AKAP10: variants seen among roughly 807,000 people sequenced by gnomAD.
AKAP10 encodes A-kinase anchoring protein 10, also known as A-kinase anchor protein 10, mitochondrial.
In AKAP10, 24 loss-of-function variants were observed where a neutral mutation model predicts 80.8. That is an observed-to-expected ratio of 0.30 (90% CI 0.22 to 0.42). The LOEUF is 0.42. Among genes scored for constraint, AKAP10 ranks in the 10% least tolerant of loss-of-function variants. The probability of loss-of-function intolerance (pLI) is 1.00; values close to 1 mark genes in which losing one functional copy is unlikely to be tolerated. For synonymous variants in AKAP10, 291 were observed against 277.7 expected (o/e 1.05, Z -0.48); for missense variants, 661 against 794.9 (o/e 0.83, Z 2.03).
intron 4 of AKAP10, among the ~76,000 whole-genome samples, chr17:19,949,281 A>G (rs1235372540): frequency 6.6e-6 from 1 of 152,134 alleles, no homozygotes; most frequent in African/African-American, 2.4e-5. Flanking sequence ...CAAAGACTCA[A>G]TAACAGAATG....
chr17:19,941,111 G>T, intron 6 of AKAP10, 101 bp from the exon 7 acceptor site: 1 of 1,285,802 alleles, frequency 7.8e-7, no homozygotes, highest in African/African-American at 1.5e-5. Context: ...TATCTTAAAG[G>T]CCTAGGTCAA....
chr17:19,956,243 G>T (rs560726389), intron 4 of AKAP10, among the ~76,000 whole-genome samples: 1 of 152,242 alleles, frequency 6.6e-6, no homozygotes, highest in Non-Finnish European at 1.5e-5. Context: ...GGCCCCAGGT[G>T]CATGGCAAAA....
rs1287851256 is a variant in AKAP10 at position 19,977,663 on chromosome 17, G to A, written c.17C>T (p.Pro6Leu). The change falls in exon 1 of 15, where the codon CCC (proline) becomes CTC (leucine). Residue 6 changes from proline (P) to leucine (L), a missense_variant. Physicochemically the swap from Pro to Leu is moderately conservative, Grantham distance 98. Transcript: ENST00000225737. MRGAG[P>L]SPRQSPRTLR... ...GGTGCGGGGGGACTGGCGCGGGGAG[G>A]GCCCGGCTCCCCTCATTCAGCAACC... The A allele has an allele frequency of 8.9e-6, 11 of 1,235,056 alleles. No individual in the cohort carries two copies. The highest frequency in any genetic ancestry group is 1.0e-5 in the Non-Finnish European group (10 of 987,492). 76.5% of individuals were successfully genotyped at this position (1,235,056 alleles called of 1,614,324 possible).
chr17:19,968,416 T>A lies in AKAP10; in HGVS notation c.134A>T (p.Lys45Ile), dbSNP rs759871873. 1 of 1,613,466 alleles carries A rather than the reference T, an allele frequency of 6.2e-7. No homozygotes were observed. Among genetic ancestry groups the A allele is most frequent in the East Asian group, 2.2e-5 (1 of 44,852 alleles). Reference protein sequence around the residue: ...QEKTSDVKSIKASISVHSPQK... With the variant: ...QEKTSDVKSIIASISVHSPQK... ...GGACTGCCAAGGGCAGAACTTACCT[T>A]TAATGGACTTCACATCTGAGGTCTT... Residue 45 changes from lysine to isoleucine, a missense_variant and splice_region_variant, in exon 2 of 15, where the codon AAA becomes ATA. Transcript: ENST00000225737.
chr17:19,956,274 G>A lies in AKAP10; in HGVS notation c.877+1740C>T, dbSNP rs76214534. Among the ~76,000 whole-genome samples the A allele has an allele frequency of 2.6e-3, 402 of 152,240 alleles. 14 individuals carry two copies. In the East Asian group the frequency reaches 0.074, roughly 28 times the overall value. On this transcript the variant is annotated intron_variant, in intron 4 of 14. Transcript: ENST00000225737. The stretch of plus-strand genomic sequence containing the variant: ...CAAAAGAAAATGCAAAACACCTGAA[G>A]TAACTTAATTTATACAGAGTACACA...
At chr17:19,922,415 T>A (rs2042827690) in intron 11 of AKAP10, among the ~76,000 whole-genome samples, 1 of 152,038 alleles carries the variant, frequency 6.6e-6, no homozygotes, top group South Asian at 2.1e-4. Context: ...ATTAAAACCA[T>A]CTTTATTTAT....
chr17:19,936,153 C>G, intron 9 of AKAP10, 133 bp downstream of exon 9: 1 of 1,051,616 alleles, frequency 9.5e-7, no homozygotes, highest in Non-Finnish European at 1.3e-6. Context: ...GACTCAAGGC[C>G]TCTGCTCTTA....
chr17:19,925,337 GTAAATAGGA>G (rs1416875514), intron 10 of AKAP10, among the ~76,000 whole-genome samples: 1 of 152,060 alleles, frequency 6.6e-6, no homozygotes, highest in African/African-American at 2.4e-5. Flanking sequence ...TGTTTACAGG[GTAAATAGGA>G]ATGTTTTTGA....
chr17:19,911,117 G>C (rs2042685231), intron 12 of AKAP10, among the ~76,000 whole-genome samples: 1 of 152,042 alleles, frequency 6.6e-6, no homozygotes. Context: ...TTACCTAAGG[G>C]TTTAAATATT....
chr17:19,936,023 C>A, intron 9 of AKAP10: 3 of 291,210 alleles, frequency 1.0e-5, no homozygotes, highest in Non-Finnish European at 1.9e-5. Context: ...TTTATTTTTT[C>A]TAACTTTTGT....
At chr17:19,941,258 C>CT (rs1378751028) in intron 6 of AKAP10, among the ~76,000 whole-genome samples, 1 of 152,160 alleles carries the variant, frequency 6.6e-6, no homozygotes, top group Non-Finnish European at 1.5e-5. Flanking sequence ...ACAACATGCC[C>CT]TATGTCTTTT....
At chr17:19,952,832 A>C (rs1378804935) in intron 4 of AKAP10, among the ~76,000 whole-genome samples, 2 of 152,160 alleles carry the variant, frequency 1.3e-5, no homozygotes, top group Non-Finnish European at 2.9e-5. Context: ...TTGTAGTTGG[A>C]AAGTTCAACA....
chr17:19,933,454 C>G (rs1188053736), intron 9 of AKAP10, among the ~76,000 whole-genome samples: 3 of 152,098 alleles, frequency 2.0e-5, no homozygotes, highest in African/African-American at 7.2e-5. Context: ...TTTTTTCCTA[C>G]CTAACTACCA....
At chr17:19,910,080 C>T in intron 12 of AKAP10, 102 bp from the exon 13 acceptor site, 1 of 1,175,448 alleles carries the variant, frequency 8.5e-7, no homozygotes, top group Non-Finnish European at 1.2e-6. Flanking sequence ...GTAATTCCAG[C>T]ACTTTGGGAG....
intron 5 of AKAP10, among the ~76,000 whole-genome samples, chr17:19,943,257 A>G (rs2043068535): frequency 6.6e-6 from 1 of 152,160 alleles, no homozygotes. Context: ...AAGGCTAATG[A>G]GATGACTTGT....
chr17:19,970,832 A>AATAAATAAAT, intron 1 of AKAP10, among the ~76,000 whole-genome samples: 1 of 151,508 alleles, frequency 6.6e-6, no homozygotes, highest in Middle Eastern at 3.4e-3. Flanking sequence ...TAAAAAAAAA[A>AATAAATAAAT]AAATAAATAA....
chr17:19,937,229 C>T (rs2043001983), intron 8 of AKAP10, among the ~76,000 whole-genome samples: 1 of 152,196 alleles, frequency 6.6e-6, no homozygotes, highest in African/African-American at 2.4e-5. Context: ...AGGCTGGGCA[C>T]AGTGGCTCAC....
In AKAP10 at chr17:19,956,476, A is replaced by G. The variant is rs547300380; in HGVS notation, c.877+1538T>C. ...ACATTTAATAAAACTAAATAAATAA[A>G]AGATGGGATCAAAAGTGGGAATGAA... On this transcript the variant is annotated intron_variant, in intron 4 of 14. Transcript: ENST00000225737. 2.0e-3 allele frequency among the ~76,000 whole-genome samples: 306 copies of G among 152,364 alleles called. 1 individual carries two copies. The highest frequency in any genetic ancestry group is 3.8e-3 in the Non-Finnish European group (258 of 68,034).
At chr17:19,920,873 A>G (rs947931237) in intron 11 of AKAP10, among the ~76,000 whole-genome samples, 1 of 149,538 alleles carries the variant, frequency 6.7e-6, no homozygotes, top group Non-Finnish European at 1.5e-5. Flanking sequence ...AAAAAAAAAA[A>G]AAAAAAAAAA....
Sources: allele counts gnomAD v4.1 joint callset (sites outside exome capture counted in the v4.1 genomes callset), GRCh38; gene constraint gnomAD v4.1.1; transcripts MANE v1.5; gene names NCBI Gene and HGNC (gene_info 2026-07-23, HGNC 2026-07-21).